Variants in ZNF410 observed in about 807,000 individuals in gnomAD.
ZNF410 encodes zinc finger protein 410, also known as another partner for ARF 1.
ZNF410 carries 18 observed loss-of-function variants against 54.8 expected under a neutral mutation model. The observed-to-expected ratio is 0.33, with a 90% CI of 0.23 to 0.49. The LOEUF (loss-of-function observed/expected upper bound fraction) is 0.49, where lower values mean the gene tolerates loss of function less well. Ranked by LOEUF, ZNF410 falls within the 20% of genes least tolerant of loss-of-function variation. The probability of loss-of-function intolerance (pLI) is 0.99; values close to 1 mark genes in which losing one functional copy is unlikely to be tolerated. For synonymous variants in ZNF410, 191 were observed against 207.3 expected, an observed-to-expected ratio of 0.92 and a Z score of 0.68; for missense variants, 405 against 569.6, an observed-to-expected ratio of 0.71 and a Z score of 2.94.
intron 5 of ZNF410, among the ~76,000 whole-genome samples, chr14:73,900,620 C>G (rs1013609265): frequency 2.6e-5 from 4 of 152,276 alleles, no homozygotes; most frequent in South Asian, 4.1e-4. Flanking sequence ...GGTGATCTGC[C>G]TGCCTCTGCC....
chr14:73,901,817 C>T (rs1334442248), intron 5 of ZNF410, among the ~76,000 whole-genome samples: 1 of 150,690 alleles, frequency 6.6e-6, no homozygotes, highest in Admixed American at 6.6e-5. Context: ...GTCTCTAGTC[C>T]CAGCTACTTG....
intron 5 of ZNF410, among the ~76,000 whole-genome samples, chr14:73,900,226 A>G (rs1412747000): frequency 6.6e-6 from 1 of 151,828 alleles, no homozygotes; most frequent in Non-Finnish European, 1.5e-5. Context: ...CAAATATAAG[A>G]CAATCTTTTA....
At chr14:73,896,593 C>A in intron 4 of ZNF410, 59 bp downstream of exon 4, 1 of 1,328,066 alleles carries the variant, frequency 7.5e-7, no homozygotes, top group Non-Finnish European at 1.1e-6. Flanking sequence ...AGGGGTGGGG[C>A]ATATTTAACT....
chr14:73,905,910 C>T (rs2055475340), intron 7 of ZNF410, among the ~76,000 whole-genome samples: 1 of 149,274 alleles, frequency 6.7e-6, no homozygotes, highest in Non-Finnish European at 1.5e-5. Context: ...TACATATATA[C>T]ACATACATAT....
At chr14:73,902,850 C>G (rs2055428568) in intron 5 of ZNF410, among the ~76,000 whole-genome samples, 1 of 152,182 alleles carries the variant, frequency 6.6e-6, no homozygotes, top group Non-Finnish European at 1.5e-5. Context: ...ACTTTGTACT[C>G]CTCTCCTCAC....
Position 73,931,556 on chromosome 14 carries a change from T to C in ZNF410, c.*15T>C. On this transcript the variant is annotated 3_prime_UTR_variant, in exon 12 of 12. Coordinates refer to ENST00000555044, the MANE Select transcript of ZNF410 (RefSeq NM_021188.3). ...GACGGACATGAGCGTGGGTGCTGAC[T>C]CCTGGAAGAGCAACTCTATCTGATC... 1.2e-6 allele frequency: 2 copies of C among 1,610,814 alleles called. No homozygotes were observed. The highest frequency in any genetic ancestry group is 1.7e-5 in the Admixed American group (1 of 58,938).
intron 4 of ZNF410, 150 bp from the exon 5 acceptor site, chr14:73,897,921 G>A (rs1274514814): frequency 4.4e-5 from 29 of 666,328 alleles, no homozygotes; most frequent in Non-Finnish European, 3.3e-5. Context: ...GCAGTAAGCC[G>A]AGATTGCGCC....
At chr14:73,904,769 A>G (rs982401397) in intron 6 of ZNF410, 133 bp from the exon 7 acceptor site, 8 of 1,000,738 alleles carry the variant, frequency 8.0e-6, no homozygotes, top group African/African-American at 1.6e-5. Flanking sequence ...AGTTTTAACA[A>G]AGTCTTCAGT....
intron 8 of ZNF410, chr14:73,913,049 A>AT (rs112532996): frequency 1.4e-3 from 202 of 147,826 alleles, no homozygotes; most frequent in East Asian, 0.011. Flanking sequence ...CCTACACCCC[A>AT]TTTTTTTTTT....
At position 73,920,955 on chromosome 14, in the gene ZNF410, T is replaced by C. The variant is rs1594764998; in HGVS notation, c.1004-25T>C. 9.9e-6 allele frequency: 16 copies of C among 1,613,010 alleles called. 1 individual carries two copies. Among genetic ancestry groups the C allele is most frequent in the African/African-American group, 8.0e-5 (6 of 74,876 alleles). ...TTCTCTTCCTGTCCTTTTGGCTTCCTTGTTTAACCTGGTCCCTGTTTCAGG... is the reference window on the plus strand; with the variant it reads ...TTCTCTTCCTGTCCTTTTGGCTTCCCTGTTTAACCTGGTCCCTGTTTCAGG... On this transcript the variant is annotated intron_variant, in intron 8 of 11. Transcript: ENST00000555044.
intron 1 of ZNF410, among the ~76,000 whole-genome samples, chr14:73,889,100 G>A (rs531487268): frequency 1.2e-3 from 181 of 152,304 alleles, no homozygotes; most frequent in African/African-American, 3.1e-3. Context: ...CAAAGTTGGA[G>A]GAACCTTAAG....
At chr14:73,918,515 C>T (rs1480828340) in intron 8 of ZNF410, among the ~76,000 whole-genome samples, 2 of 151,766 alleles carry the variant, frequency 1.3e-5, no homozygotes, top group Admixed American at 1.3e-4. Context: ...TGTCCGACTC[C>T]ACAACATTTC....
chr14:73,924,987 CATT>C (rs964161423), intron 11 of ZNF410, among the ~76,000 whole-genome samples: 92 of 152,272 alleles, frequency 6.0e-4, no homozygotes, highest in African/African-American at 2.1e-3. Context: ...TTCTTCTTTT[CATT>C]ATAACCTTTA....
chr14:73,894,419 CT>C, intron 3 of ZNF410: 2 of 678,982 alleles, frequency 2.9e-6, no homozygotes, highest in Non-Finnish European at 5.3e-6. Flanking sequence ...AGTATACATA[CT>C]TGCTTTTTTT....
In ZNF410 at chr14:73,894,389, A is replaced by G. The variant is rs1339232122; in HGVS notation, c.169+457A>G. ...GTTCCATGGAGAGAAGAGGATGGAAAGTCAGGCTGCAGTGACTTGAGTATA... is the reference window on the plus strand; with the variant it reads ...GTTCCATGGAGAGAAGAGGATGGAAGGTCAGGCTGCAGTGACTTGAGTATA... On this transcript the variant is annotated intron_variant, in intron 3 of 11. Coordinates refer to ENST00000555044, the MANE Select transcript of ZNF410 (RefSeq NM_021188.3). 4.1e-5 allele frequency: 29 copies of G among 702,180 alleles called. No homozygotes were observed. In the Admixed American group the frequency reaches 5.8e-4, roughly 14 times the overall value. 43.5% of individuals were successfully genotyped at this position (702,180 alleles called of 1,614,324 possible).
chr14:73,892,231 C>T, intron 2 of ZNF410, 23 bp downstream of exon 2: 2 of 1,610,616 alleles, frequency 1.2e-6, no homozygotes, highest in Non-Finnish European at 1.7e-6. Context: ...AGCTTGTTTC[C>T]TTTTCTTTTG....
chr14:73,929,382 C>T (rs1376096707), intron 11 of ZNF410, among the ~76,000 whole-genome samples: 3 of 152,196 alleles, frequency 2.0e-5, no homozygotes, highest in Non-Finnish European at 4.4e-5. Context: ...TAAGAACTTT[C>T]AGGTGCCAGA....
intron 11 of ZNF410, among the ~76,000 whole-genome samples, chr14:73,925,875 CA>C (rs560618914): frequency 2.0e-5 from 3 of 150,982 alleles, no homozygotes; most frequent in Non-Finnish European, 3.0e-5. Flanking sequence ...ACAAAAAATA[CA>C]AAAAAAAATT....
chr14:73,918,370 G>C (rs372296654), intron 8 of ZNF410, among the ~76,000 whole-genome samples: 2 of 152,140 alleles, frequency 1.3e-5, no homozygotes, highest in Admixed American at 1.3e-4. Context: ...AAAGTACTAG[G>C]ATTACAGGCA....
Sources: gnomAD v4.1 joint callset for allele counts (sites outside exome capture counted in the v4.1 genomes callset) on GRCh38, gnomAD v4.1.1 for gene constraint, MANE v1.5 for transcripts, NCBI Gene and HGNC (gene_info 2026-07-23, HGNC 2026-07-21) for gene names.